AKAP9: variants seen among roughly 807,000 people sequenced by gnomAD.
AKAP9 encodes A-kinase anchoring protein 9.
In AKAP9, 311 loss-of-function variants were observed where a neutral mutation model predicts 488.5. The ratio of observed to expected loss-of-function variants is 0.64; its 90% confidence interval spans 0.58 to 0.70. The LOEUF is 0.70. Ranked by LOEUF, AKAP9 falls within the 30% of genes least tolerant of loss-of-function variation. The pLI is 0.00. For missense variants in AKAP9, 4,215 were observed against 4,374.5 expected (o/e 0.96, Z 1.03); for synonymous variants, 1,462 against 1,483.5 (o/e 0.99, Z 0.33).
At chr7:92,077,289 C>T (rs1227577174) in intron 29 of AKAP9, among the ~76,000 whole-genome samples, 3 of 151,780 alleles carry the variant, frequency 2.0e-5, no homozygotes, top group Non-Finnish European at 4.4e-5. Context: ...GATGGGGTTT[C>T]ACCGTGTTAG....
intron 14 of AKAP9, among the ~76,000 whole-genome samples, chr7:92,028,550 A>G (rs1161069992): frequency 5.3e-5 from 8 of 152,112 alleles, no homozygotes; most frequent in Admixed American, 5.2e-4. Context: ...TTTTAGAAGC[A>G]TGGGATGGTC....
In AKAP9 at chr7:92,068,834, T is replaced by C. The variant is rs1010925093; in HGVS notation, c.6331-1196T>C. ...TGCATTCTTTTAATGTTCTGAGAAA[T>C]AACTGTCATTTTTTAGATAATTTCC... On this transcript the variant is annotated intron_variant, in intron 26 of 49. Transcript: ENST00000356239. Among the ~76,000 whole-genome samples the C allele has an allele frequency of 1.2e-4, 18 of 152,228 alleles. 1 individual carries two copies. The highest frequency in any genetic ancestry group is 3.9e-4 in the African/African-American group (16 of 41,550).
Position 92,110,534 on chromosome 7 carries a change from T to G in AKAP9, c.*375T>G, listed in dbSNP as rs1445482587. The G allele has an allele frequency of 2.6e-5, 7 of 271,934 alleles. No homozygotes were observed. Among genetic ancestry groups the G allele is most frequent in the Non-Finnish European group, 4.2e-5 (6 of 142,164 alleles). The allele number at this position is 271,934 out of a possible 1,614,324, so 16.8% of individuals were successfully genotyped here. A position where few individuals can be genotyped will look rare whatever the true frequency, so the allele number is the denominator to read the frequency against. On this transcript the variant is annotated 3_prime_UTR_variant, in exon 50 of 50. Coordinates refer to ENST00000356239, the MANE Select transcript of AKAP9 (RefSeq NM_005751.5). ...ATAAGGCTACTGAAGTTACATGTTT[T>G]GCCTAATATATTCTACTGGTGATGA...
chr7:92,087,543 A>C (rs1318670025), intron 37 of AKAP9, among the ~76,000 whole-genome samples: 1 of 152,182 alleles, frequency 6.6e-6, no homozygotes, highest in Non-Finnish European at 1.5e-5. Context: ...CTAGTAACAG[A>C]ATCAAATCAA....
intron 12 of AKAP9, among the ~76,000 whole-genome samples, chr7:92,017,405 G>A (rs1801667693): frequency 6.6e-6 from 1 of 151,854 alleles, no homozygotes; most frequent in African/African-American, 2.4e-5. Context: ...TAAAGCAGTG[G>A]GCCTTCTGTT....
In AKAP9 at chr7:92,062,160, G is replaced by A. The variant is rs1809968757; in HGVS notation, c.5765-114G>A. The stretch of plus-strand genomic sequence containing the variant: ...CAAATTCATTCAAGACTTTTAATAG[G>A]TTGGAATGATGGAAAGTTTTGCTAA... On this transcript the variant is annotated intron_variant, in intron 23 of 49. Transcript: ENST00000356239. The A allele has an allele frequency of 7.6e-6, 7 of 917,350 alleles. No homozygotes were observed. In the Admixed American group the frequency reaches 1.5e-4, roughly 20 times the overall value. The allele number at this position is 917,350 out of a possible 1,614,324, so 56.8% of individuals were successfully genotyped here. A position where few individuals can be genotyped will look rare whatever the true frequency, so the allele number is the denominator to read the frequency against.
intron 21 of AKAP9, among the ~76,000 whole-genome samples, chr7:92,047,027 C>T (rs1807119420): frequency 6.6e-6 from 1 of 152,162 alleles, no homozygotes; most frequent in African/African-American, 2.4e-5. Context: ...TTCCAGAGCA[C>T]TGTCTCCATA....
intron 1 of AKAP9, among the ~76,000 whole-genome samples, chr7:91,951,874 CAAAAAATAAAAAT>C (rs973245965): frequency 1.1e-4 from 16 of 151,958 alleles, no homozygotes; most frequent in Admixed American, 5.9e-4. Flanking sequence ...GACTCCGTCT[CAAAAAATAAAAAT>C]AAAAAATAAA....
At chr7:92,033,668 T>G (rs576023505) in intron 16 of AKAP9, among the ~76,000 whole-genome samples, 1 of 152,140 alleles carries the variant, frequency 6.6e-6, no homozygotes, top group East Asian at 1.9e-4. Context: ...GAACTCCTGA[T>G]CTCAAGCAAT....
At chr7:91,993,996 G>T (rs917911346) in intron 5 of AKAP9, among the ~76,000 whole-genome samples, 1 of 152,152 alleles carries the variant, frequency 6.6e-6, no homozygotes, top group Non-Finnish European at 1.5e-5. Context: ...AGGCATAGTG[G>T]TGTGTGCCTG....
chr7:91,979,467 G>A (rs563727420), intron 2 of AKAP9, among the ~76,000 whole-genome samples: 2 of 152,284 alleles, frequency 1.3e-5, no homozygotes, highest in African/African-American at 4.8e-5. Context: ...AATTATGGGA[G>A]CTACAATTCA....
chr7:91,956,792 A>C (rs937944973), intron 1 of AKAP9, among the ~76,000 whole-genome samples: 4 of 152,238 alleles, frequency 2.6e-5, no homozygotes, highest in Non-Finnish European at 5.9e-5. Context: ...GCTCTAAAAA[A>C]ATAGATTTAA....
chr7:91,979,903 T>G (rs1796169194), intron 2 of AKAP9, among the ~76,000 whole-genome samples: 1 of 152,218 alleles, frequency 6.6e-6, no homozygotes, highest in South Asian at 2.1e-4. Flanking sequence ...TTTAATATTT[T>G]CTAACCACAG....
Position 92,012,261 on chromosome 7 carries a change from T to C in AKAP9, c.3319-168T>C, listed in dbSNP as rs1016897783. 2.6e-5 allele frequency among the ~76,000 whole-genome samples: 4 copies of C among 152,078 alleles called. No homozygotes were observed. In the South Asian group the frequency reaches 6.2e-4, roughly 24 times the overall value. On this transcript the variant is annotated intron_variant, in intron 8 of 49. Transcript: ENST00000356239. Reference sequence around the variant, plus strand: ...AATGAAAACATTGTGCTACTTTCCTTGAAAAAGAAAGGTAGATCAATGCAA... The same window carrying C: ...AATGAAAACATTGTGCTACTTTCCTCGAAAAAGAAAGGTAGATCAATGCAA...
At chr7:92,059,387 C>CTA (rs1809349434) in intron 22 of AKAP9, among the ~76,000 whole-genome samples, 1 of 147,722 alleles carries the variant, frequency 6.8e-6, no homozygotes, top group Non-Finnish European at 1.5e-5. Context: ...ATCTCATCTG[C>CTA]TATAATAAAT....
chr7:92,004,066 G>A (rs1799499862), intron 8 of AKAP9, among the ~76,000 whole-genome samples: 1 of 152,194 alleles, frequency 6.6e-6, no homozygotes, highest in Non-Finnish European at 1.5e-5. Context: ...AGGATAGTGA[G>A]AAATAGTGAT....
intron 35 of AKAP9, among the ~76,000 whole-genome samples, chr7:92,085,291 A>C (rs1365417303): frequency 6.6e-6 from 1 of 152,186 alleles, no homozygotes; most frequent in African/African-American, 2.4e-5. Context: ...AACAGAAGGA[A>C]CTTAGAGATG....
At chr7:92,103,172 CA>C (rs1817881678) in intron 46 of AKAP9, among the ~76,000 whole-genome samples, 1 of 150,756 alleles carries the variant, frequency 6.6e-6, no homozygotes, top group Non-Finnish European at 1.5e-5. Context: ...AGGCGAATCA[CA>C]AGGTCAGGAG....
chr7:92,081,842 A>T (rs1383712414), intron 31 of AKAP9, among the ~76,000 whole-genome samples: 1 of 152,172 alleles, frequency 6.6e-6, no homozygotes, highest in Non-Finnish European at 1.5e-5. Flanking sequence ...TCCAAACACC[A>T]GAAGATTAAC....
Sources: gnomAD v4.1 joint callset for allele counts (sites outside exome capture counted in the v4.1 genomes callset) on GRCh38, gnomAD v4.1.1 for gene constraint, MANE v1.5 for transcripts, NCBI Gene and HGNC (gene_info 2026-07-23, HGNC 2026-07-21) for gene names.